The following SH3BGR variants were observed in gnomAD, a reference collection of about 807,000 sequenced individuals.
SH3BGR encodes SH3 domain binding glutamate rich protein.
Under a neutral mutation model 24.5 loss-of-function variants are expected in SH3BGR, and 29 were observed. That is an observed-to-expected ratio of 1.18 (90% CI 0.88 to 1.61). SH3BGR has a LOEUF of 1.61. SH3BGR is among the 40% of genes most tolerant of loss of function. The probability of loss-of-function intolerance (pLI) is 0.00; values close to 1 mark genes in which losing one functional copy is unlikely to be tolerated. For synonymous variants in SH3BGR, 55 were observed against 65.7 expected (o/e 0.84, Z 0.79); for missense variants, 162 against 205.8 (o/e 0.79, Z 1.30).
chr21:39,509,471 G>GTTTTTT (rs560071613), intron 5 of SH3BGR, among the ~76,000 whole-genome samples: 4 of 103,960 alleles, frequency 3.8e-5, no homozygotes, highest in Non-Finnish European at 7.6e-5. Flanking sequence ...CACTTTTATT[G>GTTTTTT]TTTTTTTTTT....
At chr21:39,465,451 C>T (rs772637120) in intron 2 of SH3BGR, among the ~76,000 whole-genome samples, 13 of 152,164 alleles carry the variant, frequency 8.5e-5, no homozygotes, top group Non-Finnish European at 1.3e-4. Context: ...TTGGCAATTT[C>T]GTGTTTGGGT....
chr21:39,502,491 G>A (rs1046848202), intron 4 of SH3BGR, among the ~76,000 whole-genome samples: 8 of 152,110 alleles, frequency 5.3e-5, no homozygotes, highest in South Asian at 2.1e-4. Flanking sequence ...AACACGCTGC[G>A]GTGGATATAA....
chr21:39,452,975 G>GA (rs1437273188), intron 1 of SH3BGR, among the ~76,000 whole-genome samples: 1 of 152,184 alleles, frequency 6.6e-6, no homozygotes, highest in Non-Finnish European at 1.5e-5. Context: ...GCTGTGGAGA[G>GA]AAAAAACAGT....
At chr21:39,460,402 G>A (rs2077735415) in intron 1 of SH3BGR, among the ~76,000 whole-genome samples, 1 of 152,164 alleles carries the variant, frequency 6.6e-6, no homozygotes, top group Admixed American at 6.5e-5. Flanking sequence ...ATGCATTTTA[G>A]TGTGGGTATA....
At chr21:39,492,487 C>T (rs1196093830) in intron 3 of SH3BGR, among the ~76,000 whole-genome samples, 11 of 142,708 alleles carry the variant, frequency 7.7e-5, no homozygotes, top group African/African-American at 2.0e-4. Context: ...TATATACACA[C>T]ACACACACAC....
intron 3 of SH3BGR, among the ~76,000 whole-genome samples, chr21:39,478,732 C>G (rs181165137): frequency 1.3e-5 from 2 of 151,680 alleles, no homozygotes; most frequent in African/African-American, 4.8e-5. Flanking sequence ...TTGTATTTTT[C>G]TGCTTTCTGG....
At chr21:39,515,007 G>T in intron 6 of SH3BGR, 81 bp from the exon 7 acceptor site, 2 of 425,042 alleles carry the variant, frequency 4.7e-6, no homozygotes, top group Non-Finnish European at 9.7e-6. Flanking sequence ...TTCCTTTATT[G>T]TATGTTAAGT....
chr21:39,502,259 C>T (rs2837055), intron 4 of SH3BGR, among the ~76,000 whole-genome samples: 85,359 of 152,072 alleles, frequency 0.56, 24,351 homozygotes, highest in East Asian at 0.68. Context: ...GACAGGCTGA[C>T]AGGGAATCAG....
intron 4 of SH3BGR, among the ~76,000 whole-genome samples, chr21:39,502,293 G>A (rs538646205): frequency 2.4e-4 from 36 of 152,350 alleles, no homozygotes; most frequent in African/African-American, 8.4e-4. Flanking sequence ...AGCTCTGTGT[G>A]TTTTGAACAT....
chr21:39,499,577 C>A (rs1483234619), intron 3 of SH3BGR, among the ~76,000 whole-genome samples: 1 of 152,164 alleles, frequency 6.6e-6, no homozygotes, highest in African/African-American at 2.4e-5. Flanking sequence ...TGAACTGAAA[C>A]TCCTCACTTA....
Position 39,464,195 on chromosome 21 carries a change from A to G in SH3BGR, c.231+1635A>G, listed in dbSNP as rs997823831. 2.0e-5 allele frequency among the ~76,000 whole-genome samples: 3 copies of G among 152,062 alleles called. 1 individual carries two copies. Among genetic ancestry groups the G allele is most frequent in the South Asian group, 4.2e-4 (2 of 4,804 alleles). On this transcript the variant is annotated intron_variant, in intron 2 of 6. Transcript: ENST00000333634. ...TATGGCCCCATCTTAACTAATTACA[A>G]CTACAAAGATCCTATTTCCAAATAA...
At chr21:39,451,901 G>T (rs766672767), upstream of SH3BGR, 28 of 1,613,504 alleles carry the variant, frequency 1.7e-5, no homozygotes, top group Non-Finnish European at 2.3e-5. Flanking sequence ...GGAGGGAGGA[G>T]CCCAAGATGC....
intron 1 of SH3BGR, among the ~76,000 whole-genome samples, chr21:39,460,892 A>G (rs1215387061): frequency 6.6e-6 from 1 of 151,914 alleles, no homozygotes; most frequent in African/African-American, 2.4e-5. Flanking sequence ...GGCTCAAGCA[A>G]TCCTTTTGTC....
exon 1 of SH3BGR, chr21:39,446,028 G>A (rs1215758120): frequency 6.6e-6 from 1 of 152,348 alleles, no homozygotes; most frequent in Admixed American, 6.5e-5. Context: ...AGACGAGGGA[G>A]CCTGTCACGC....
intron 5 of SH3BGR, 124 bp downstream of exon 5, chr21:39,509,151 A>G (rs1459287381): frequency 3.0e-6 from 2 of 670,270 alleles, no homozygotes; most frequent in East Asian, 2.9e-5. Flanking sequence ...CCACACACCC[A>G]GAAAATCCTC....
chr21:39,499,693 A>G (rs1480783505), intron 3 of SH3BGR, 130 bp from the exon 4 acceptor site: 1 of 615,094 alleles, frequency 1.6e-6, no homozygotes, highest in Non-Finnish European at 2.8e-6. Flanking sequence ...TGACCTAATG[A>G]GTGGGCAGTC....
intron 2 of SH3BGR, among the ~76,000 whole-genome samples, chr21:39,470,747 TCTTTA>T (rs1253730114): frequency 1.3e-5 from 2 of 152,228 alleles, no homozygotes; most frequent in African/African-American, 2.4e-5. Context: ...ATTAATTTTA[TCTTTA>T]CTTCTTGAAT....
intron 3 of SH3BGR, among the ~76,000 whole-genome samples, chr21:39,482,797 G>A (rs1203338991): frequency 1.3e-5 from 2 of 152,138 alleles, no homozygotes; most frequent in Non-Finnish European, 2.9e-5. Flanking sequence ...AGCCTCCAGA[G>A]TAGCTGGGGT....
chr21:39,454,765 A>G (rs2077628320), intron 1 of SH3BGR, among the ~76,000 whole-genome samples: 1 of 152,160 alleles, frequency 6.6e-6, no homozygotes, highest in African/African-American at 2.4e-5. Context: ...AAATTCATTC[A>G]TTTATTGGAG....
Sources: gnomAD v4.1 joint callset for allele counts (sites outside exome capture counted in the v4.1 genomes callset) on GRCh38, gnomAD v4.1.1 for gene constraint, MANE v1.5 for transcripts, NCBI Gene and HGNC (gene_info 2026-07-23, HGNC 2026-07-21) for gene names.